The following MON2 variants were observed in gnomAD, a reference collection of about 807,000 sequenced individuals.
MON2 encodes the protein MON2 regulator of endosome-to-Golgi trafficking, also known as protein MON2 homolog.
In MON2, 84 loss-of-function variants were observed where a neutral mutation model predicts 208.6. That is an observed-to-expected ratio of 0.40 (90% CI 0.34 to 0.48). The LOEUF (loss-of-function observed/expected upper bound fraction) is 0.48, where lower values mean the gene tolerates loss of function less well. MON2 is among the 20% of genes least tolerant of loss of function. The pLI is 0.59. For missense variants in MON2, 1,611 were observed against 2,015.4 expected, an observed-to-expected ratio of 0.80 and a Z score of 3.84; for synonymous variants, 660 against 694.0, an observed-to-expected ratio of 0.95 and a Z score of 0.77.
chr12:62,479,093 G>T (rs192446688), intron 1 of MON2, among the ~76,000 whole-genome samples: 5 of 152,264 alleles, frequency 3.3e-5, no homozygotes, highest in Admixed American at 3.3e-4. Context: ...CGAATTTAAG[G>T]TGCCTTTTAA....
intron 1 of MON2, among the ~76,000 whole-genome samples, chr12:62,469,882 T>TTTTG (rs1555229882): frequency 8.5e-6 from 1 of 117,802 alleles, no homozygotes; most frequent in Non-Finnish European, 1.8e-5. Context: ...TTGACTATTA[T>TTTTG]TTTATTTATT....
In MON2 at chr12:62,593,587, A is replaced by G. The variant is rs577411579; in HGVS notation, c.*838A>G. ...CATATTGTAGCACTATGACTTCATC[A>G]TACCTCATTTCTTTAAACAGCTCTC... On this transcript the variant is annotated 3_prime_UTR_variant, in exon 35 of 35. Transcript: ENST00000393630. 6.5e-6 allele frequency: 1 copy of G among 152,722 alleles called. No individual in the cohort carries two copies. The highest frequency in any genetic ancestry group is 2.1e-4 in the South Asian group (1 of 4,828). 9.5% of individuals were successfully genotyped at this position (152,722 alleles called of 1,614,324 possible).
chr12:62,474,083 A>G (rs1183845996), intron 1 of MON2, among the ~76,000 whole-genome samples: 1 of 149,406 alleles, frequency 6.7e-6, no homozygotes, highest in African/African-American at 2.5e-5. Context: ...GTTTTTTCAC[A>G]TGCGTCAGTA....
chr12:62,532,049 G>T (rs1174352601), intron 11 of MON2, among the ~76,000 whole-genome samples: 2 of 152,086 alleles, frequency 1.3e-5, no homozygotes, highest in African/African-American at 4.8e-5. Context: ...GATTACAGGC[G>T]TGAGCCACCA....
rs144559933 is a variant in MON2 at position 62,479,286 on chromosome 12, A to G, written c.112-4884A>G. Among the ~76,000 whole-genome samples, 394 of 152,332 alleles carry G rather than the reference A, an allele frequency of 2.6e-3. 2 individuals carry two copies. The highest frequency in any genetic ancestry group is 8.9e-3 in the African/African-American group (370 of 41,568). ...AAATCTGAGGATATTCAAGCCCCTG[A>G]TATGAAATGTTGTAATATTTGCACA... is the stretch of plus-strand genomic sequence containing the variant. On this transcript the variant is annotated intron_variant, in intron 1 of 34. Coordinates refer to ENST00000393630, the MANE Select transcript of MON2 (RefSeq NM_015026.3).
chr12:62,530,433 G>T (rs370068587), intron 11 of MON2, among the ~76,000 whole-genome samples: 1 of 151,638 alleles, frequency 6.6e-6, no homozygotes, highest in African/African-American at 2.4e-5. Context: ...GGGTTTCACC[G>T]TGTTAGCCAG....
At position 62,467,057 on chromosome 12, in the gene MON2, C is replaced by G; in HGVS notation, c.-151C>G. 1 of 620,082 alleles carries G rather than the reference C, an allele frequency of 1.6e-6. No homozygotes were observed. The highest frequency in any genetic ancestry group is 2.8e-6 in the Non-Finnish European group (1 of 353,394). The allele number at this position is 620,082 out of a possible 1,614,324, so 38.4% of individuals were successfully genotyped here. ...TGCGGGGAAGCTGCTGGGGGACGCT[C>G]GAGCAGGCTCCGGGTTCGCAGCCCA... On this transcript the variant is annotated 5_prime_UTR_variant, in exon 1 of 35. Transcript: ENST00000393630.
At chr12:62,503,064 G>A (rs553475332) in intron 7 of MON2, among the ~76,000 whole-genome samples, 2 of 152,266 alleles carry the variant, frequency 1.3e-5, no homozygotes, top group African/African-American at 4.8e-5. Flanking sequence ...CAGCACTCTT[G>A]TATAAATAAT....
chr12:62,544,533 T>G (rs1222414334), intron 20 of MON2, among the ~76,000 whole-genome samples: 1 of 152,182 alleles, frequency 6.6e-6, no homozygotes, highest in African/African-American at 2.4e-5. Flanking sequence ...TATGAATGAT[T>G]AAAGGCTATG....
At chr12:62,561,161 A>AT (rs756677448) in intron 26 of MON2, 48 bp downstream of exon 26, 15 of 1,458,216 alleles carry the variant, frequency 1.0e-5, no homozygotes, top group Admixed American at 2.4e-5. Context: ...GTTCTCTGAA[A>AT]TTTTTTTTAT....
intron 34 of MON2, among the ~76,000 whole-genome samples, chr12:62,589,106 G>A (rs931959587): frequency 1.3e-5 from 2 of 152,154 alleles, no homozygotes; most frequent in East Asian, 3.8e-4. Context: ...TCAAAGTATG[G>A]TTTGTTGGAC....
intron 1 of MON2, among the ~76,000 whole-genome samples, chr12:62,479,915 T>C (rs971129547): frequency 1.3e-5 from 2 of 152,202 alleles, no homozygotes; most frequent in Non-Finnish European, 1.5e-5. Flanking sequence ...CTAACAATTT[T>C]TTTTCACACC....
intron 29 of MON2, among the ~76,000 whole-genome samples, chr12:62,571,050 A>G (rs918351289): frequency 1.1e-4 from 17 of 151,942 alleles, no homozygotes; most frequent in African/African-American, 3.6e-4. Flanking sequence ...AATCCATAAC[A>G]TCGGGTTAAG....
chr12:62,508,503 A>G (rs1565628840), intron 8 of MON2, 23 bp downstream of exon 8: 1 of 1,596,870 alleles, frequency 6.3e-7, no homozygotes, highest in African/African-American at 1.3e-5. Flanking sequence ...TTCCTTATGT[A>G]TTTGTGTATA....
At position 62,549,650 on chromosome 12, in the gene MON2, CA is replaced by C; in HGVS notation, c.2754-17del. The stretch of plus-strand genomic sequence containing the variant: ...TAAATAAAATAAGTGCATCTGTATA[CA>C]TTTCTTTTGTTTTCAGAGAATCCTT... On this transcript the variant is annotated splice_polypyrimidine_tract_variant and intron_variant, in intron 22 of 34. Transcript: ENST00000393630. 1.9e-6 allele frequency: 3 copies of C among 1,575,300 alleles called. No individual in the cohort carries two copies. Among genetic ancestry groups the C allele is most frequent in the Non-Finnish European group, 2.6e-6 (3 of 1,165,352 alleles).
chr12:62,500,755 C>A (rs1311047673), intron 5 of MON2, 28 bp from the exon 6 acceptor site: 21 of 1,191,504 alleles, frequency 1.8e-5, no homozygotes, highest in Non-Finnish European at 2.6e-5. Context: ...ATTATGAACT[C>A]CTAAAACCCA....
chr12:62,513,806 C>T (rs1208076989), intron 8 of MON2, among the ~76,000 whole-genome samples: 4 of 143,530 alleles, frequency 2.8e-5, no homozygotes, highest in East Asian at 2.3e-4. Context: ...AAAAACTAGC[C>T]GAGCGTGGTG....
intron 20 of MON2, among the ~76,000 whole-genome samples, chr12:62,544,463 AAAAT>A (rs1164408979): frequency 6.6e-6 from 1 of 152,112 alleles, no homozygotes; most frequent in Non-Finnish European, 1.5e-5. Context: ...TAATAATAAT[AAAAT>A]AAATAAGAAA....
At chr12:62,471,517 T>A (rs1201922264) in intron 1 of MON2, among the ~76,000 whole-genome samples, 4 of 152,156 alleles carry the variant, frequency 2.6e-5, no homozygotes, top group Non-Finnish European at 5.9e-5. Flanking sequence ...ATGTGTGACA[T>A]CCAAGTGGAA....
Sources: allele counts gnomAD v4.1 joint callset (sites outside exome capture counted in the v4.1 genomes callset), GRCh38; gene constraint gnomAD v4.1.1; transcripts MANE v1.5; gene names NCBI Gene and HGNC (gene_info 2026-07-23, HGNC 2026-07-21).